Variants in GDE1 observed in about 807,000 individuals in gnomAD.
GDE1 encodes glycerophosphodiester phosphodiesterase 1.
GDE1 carries 24 observed loss-of-function variants against 32.2 expected under a neutral mutation model. That is an observed-to-expected ratio of 0.75 (90% CI 0.54 to 1.05). The LOEUF (loss-of-function observed/expected upper bound fraction) is 1.05, where lower values mean the gene tolerates loss of function less well. Ranked by LOEUF, GDE1 falls within the 50% of genes least tolerant of loss-of-function variation. The pLI, the probability that GDE1 is intolerant of heterozygous loss-of-function variation, is 0.00. For synonymous variants in GDE1, 159 were observed against 158.6 expected (o/e 1.00, Z -0.02); for missense variants, 380 against 415.0 (o/e 0.92, Z 0.73).
At chr16:19,520,048 G>C (rs1273833682) in intron 1 of GDE1, among the ~76,000 whole-genome samples, 4 of 151,796 alleles carry the variant, frequency 2.6e-5, no homozygotes, top group Non-Finnish European at 5.9e-5. Context: ...TGGTAAAGTC[G>C]AATGTATACA....
chr16:19,506,849 C>T (rs1364781567), intron 4 of GDE1, among the ~76,000 whole-genome samples: 2 of 152,058 alleles, frequency 1.3e-5, no homozygotes, highest in Non-Finnish European at 2.9e-5. Context: ...AAAGGCATCA[C>T]TAGGCTGGTT....
intron 3 of GDE1, among the ~76,000 whole-genome samples, chr16:19,508,275 G>A (rs770251434): frequency 2.0e-5 from 3 of 152,192 alleles, no homozygotes; most frequent in Non-Finnish European, 4.4e-5. Context: ...TGGGGCAAGG[G>A]TAGGAGGGAC....
rs950046634 is a variant in GDE1 at position 19,501,749 on chromosome 16, G to A, written c.*1721C>T. The A allele has an allele frequency of 6.6e-6, 1 of 152,026 alleles. No individual in the cohort carries two copies. The highest frequency in any genetic ancestry group is 2.1e-4 in the South Asian group (1 of 4,826). 9.4% of individuals were successfully genotyped at this position (152,026 alleles called of 1,614,324 possible). A position where few individuals can be genotyped will look rare whatever the true frequency, so the allele number is the denominator to read the frequency against. ...TTTTAAAATTCAAGACAATTTTTTT[G>A]CAAATGCTGATTCAAAACGTACCAA... On this transcript the variant is annotated 3_prime_UTR_variant, in exon 6 of 6. Transcript: ENST00000353258.
Position 19,503,610 on chromosome 16 carries a change from A to G in GDE1, c.856T>C (p.Leu286=). 1.9e-6 allele frequency: 3 copies of G among 1,613,674 alleles called. No homozygotes were observed. Among genetic ancestry groups the G allele is most frequent in the South Asian group, 2.2e-5 (2 of 91,066 alleles). ...MQKDFVSPAY[L]KKWSAKGIQV... is the part of the protein sequence containing the mutation. ...ATTCCTTTAGCTGACCACTTCTTCA[A>G]GTAGGCCCTGGGGAAAGAGGAAAGC... Residue 286 remains leucine (L), a synonymous_variant, in exon 6 of 6, where the codon TTG becomes CTG. Coordinates refer to ENST00000353258, the MANE Select transcript of GDE1 (RefSeq NM_016641.4).
At position 19,517,166 on chromosome 16, in the gene GDE1, G is replaced by T. The variant is rs368973343; in HGVS notation, c.285C>A (p.Gly95=). ...AAGTAAACTCAATGTCCAACTCCAC[G>T]CCTGTTGCTCCATTCTTAGCTGCCT... ...IRQAAKNGAT[G]VELDIEFTSD... The change falls in exon 2 of 6, where the codon GGC becomes GGA. Residue 95 remains glycine (G), a synonymous_variant. Transcript: ENST00000353258. 1.9e-6 allele frequency: 3 copies of T among 1,613,396 alleles called. No homozygotes were observed. The highest frequency in any genetic ancestry group is 2.5e-6 in the Non-Finnish European group (3 of 1,179,358).
Position 19,504,982 on chromosome 16 carries a change from TATAAA to T in GDE1, c.742_746del (p.Phe248IlefsTer14). The stretch of plus-strand genomic sequence containing the variant: ...CGAGCAAAATGTCCATCATAACAAA[TATAAA>T]ATGTTTCCAGAAAGTATCATAGCGT... On this transcript the variant is annotated frameshift_variant, in exon 5 of 6. Coordinates refer to ENST00000353258, the MANE Select transcript of GDE1 (RefSeq NM_016641.4). LOFTEE classifies it high-confidence loss of function. The T allele has an allele frequency of 6.2e-7, 1 of 1,612,960 alleles. No individual in the cohort carries two copies.
At chr16:19,516,955 G>A in intron 2 of GDE1, 59 bp downstream of exon 2, 1 of 1,436,538 alleles carries the variant, frequency 7.0e-7, no homozygotes, top group Non-Finnish European at 9.8e-7. Flanking sequence ...GAAGGCACCA[G>A]TGTCTGTCAT....
Position 19,521,803 on chromosome 16 carries a change from C to T in GDE1, c.162G>A (p.Arg54=), listed in dbSNP as rs1209536315. The T allele has an allele frequency of 6.2e-7, 1 of 1,611,576 alleles. No individual in the cohort carries two copies. Among genetic ancestry groups the T allele is most frequent in the Non-Finnish European group, 8.5e-7 (1 of 1,179,462 alleles). The change falls in exon 1 of 6, where the codon AGG becomes AGA. Residue 54 remains arginine (R), a synonymous_variant. Coordinates refer to ENST00000353258, the MANE Select transcript of GDE1 (RefSeq NM_016641.4). ...VFSFEPVPSC[R]ALQVLKPRDR... ...CCCGGGGCTTGAGCACCTGCAGGGC[C>T]CTGCAAGAGGGCACCGGCTCAAAGC...
Position 19,509,882 on chromosome 16 carries a change from G to A in GDE1, c.543+957C>T, listed in dbSNP as rs369337278. On this transcript the variant is annotated intron_variant, in intron 3 of 5. Transcript: ENST00000353258. ...TCACCATGTTGGCCAGGCTGGTCTC[G>A]AACTCCTGACCTCAGGTGATCCACT... 2.0e-4 allele frequency among the ~76,000 whole-genome samples: 30 copies of A among 151,952 alleles called. 1 individual carries two copies. Among genetic ancestry groups the A allele is most frequent in the African/African-American group, 6.5e-4 (27 of 41,422 alleles).
Position 19,503,454 on chromosome 16 carries a change from G to C in GDE1, c.*16C>G. On this transcript the variant is annotated 3_prime_UTR_variant, in exon 6 of 6. Transcript: ENST00000353258. ...CCCTGGCAGTTTCTGAACCCGTTTC[G>C]TCCCACCGTGAAAGTCTAGAAGTGA... The C allele has an allele frequency of 6.2e-7, 1 of 1,611,528 alleles. No homozygotes were observed.
rs757857872 is a variant in GDE1 at position 19,521,704 on chromosome 16, C to T, written c.261G>A (p.Gln87=). ...AGGGGCGCGAACGTGGGGGTCTCAC[C>T]TGCCGAATGGCCGCCAGCGTGTTCT... ...APENTLAAIR[Q]AAKNGATGVE... Residue 87 remains glutamine (Q), a splice_region_variant and synonymous_variant, in exon 1 of 6, where the codon CAG becomes CAA. Transcript: ENST00000353258. 4 of 1,611,574 alleles carry T rather than the reference C, an allele frequency of 2.5e-6. No individual in the cohort carries two copies. The South Asian group carries it at 4.4e-5, about 18-fold the overall frequency.
Position 19,517,202 on chromosome 16 carries a change from A to G in GDE1, c.262-13T>C. ...CATTCTTAGCTGCCTTAACAAAAACATCAAGAATATTACTGTCAAATGGCC... is the reference window on the plus strand; with the variant it reads ...CATTCTTAGCTGCCTTAACAAAAACGTCAAGAATATTACTGTCAAATGGCC... On this transcript the variant is annotated splice_polypyrimidine_tract_variant and intron_variant, in intron 1 of 5. Transcript: ENST00000353258. 6.2e-7 allele frequency: 1 copy of G among 1,604,776 alleles called. No homozygotes were observed. The highest frequency in any genetic ancestry group is 8.5e-7 in the Non-Finnish European group (1 of 1,171,762).
At chr16:19,521,448 T>C in intron 1 of GDE1, 1 of 522,876 alleles carries the variant, frequency 1.9e-6, no homozygotes, top group Non-Finnish European at 3.4e-6. Flanking sequence ...GGGACACTTT[T>C]GACCTTGTTC....
Position 19,522,077 on chromosome 16 carries a change from G to C in GDE1, c.-113C>G, listed in dbSNP as rs1046835569. 2 of 1,111,030 alleles carry C rather than the reference G, an allele frequency of 1.8e-6. No individual in the cohort carries two copies. The highest frequency in any genetic ancestry group is 1.6e-5 in the South Asian group (1 of 61,864). The allele number at this position is 1,111,030 out of a possible 1,614,324, so 68.8% of individuals were successfully genotyped here. ...GCACCGGCAGCAGCAGGAACCCTCT[G>C]AGGGGACCAGCGCCGCACAATGGCG... On this transcript the variant is annotated 5_prime_UTR_variant, in exon 1 of 6. Transcript: ENST00000353258.
intron 5 of GDE1, chr16:19,504,329 C>G (rs1969217196): frequency 6.5e-6 from 1 of 153,620 alleles, no homozygotes; most frequent in African/African-American, 2.4e-5. Context: ...TGGAACCTTG[C>G]AATAGTATAG....
intron 4 of GDE1, among the ~76,000 whole-genome samples, chr16:19,506,699 G>C (rs1969251737): frequency 1.3e-5 from 2 of 152,124 alleles, no homozygotes; most frequent in South Asian, 4.1e-4. Flanking sequence ...GGTCCTATTC[G>C]AATGAGCAAT....
At position 19,507,693 on chromosome 16, in the gene GDE1, G is replaced by A. The variant is rs1203325300; in HGVS notation, c.630C>T (p.Ile210=). 1.3e-6 allele frequency: 2 copies of A among 1,521,958 alleles called. No individual in the cohort carries two copies. The highest frequency in any genetic ancestry group is 1.8e-6 in the Non-Finnish European group (2 of 1,096,236). The allele number at this position is 1,521,958 out of a possible 1,614,324, so 94.3% of individuals were successfully genotyped here. A position where few individuals can be genotyped will look rare whatever the true frequency, so the allele number is the denominator to read the frequency against. ...SVVCSFLPEV[I]YKMRQTDRDV... ...GAAAAATCCCGAATGTTACCTTGTAGATAACTTCTGGCAAGAAAGAACAGA... is the reference window on the plus strand; with the variant it reads ...GAAAAATCCCGAATGTTACCTTGTAAATAACTTCTGGCAAGAAAGAACAGA... Residue 210 remains isoleucine (I), a synonymous_variant, in exon 4 of 6, where the codon ATC becomes ATT. Transcript: ENST00000353258.
At chr16:19,504,393 A>G (rs1215631442) in intron 5 of GDE1, 1 of 160,496 alleles carries the variant, frequency 6.2e-6, no homozygotes, top group African/African-American at 2.4e-5. Context: ...ATAATACTAG[A>G]CCTACAACTC....
chr16:19,505,171 C>T (rs1427861188), intron 4 of GDE1, 79 bp from the exon 5 acceptor site: 2 of 984,130 alleles, frequency 2.0e-6, no homozygotes, highest in Non-Finnish European at 1.6e-6. Context: ...AGCCAATGTG[C>T]TCAATCAGAT....
Sources: allele counts gnomAD v4.1 joint callset (sites outside exome capture counted in the v4.1 genomes callset), GRCh38; gene constraint gnomAD v4.1.1; transcripts MANE v1.5; gene names NCBI Gene and HGNC (gene_info 2026-07-23, HGNC 2026-07-21).